Variants in NOX3 observed in about 807,000 individuals in gnomAD.
NOX3 encodes the protein NADPH oxidase 3, also known as NADPH oxidase catalytic subunit-like 3.
Under a neutral mutation model 76.7 loss-of-function variants are expected in NOX3, and 74 were observed. The observed-to-expected ratio is 0.96, with a 90% CI of 0.80 to 1.17. NOX3 has a LOEUF of 1.17. NOX3 is among the 50% of genes most tolerant of loss of function. The probability of loss-of-function intolerance (pLI) is 0.00; values close to 1 mark genes in which losing one functional copy is unlikely to be tolerated. For synonymous variants in NOX3, 263 were observed against 261.1 expected (o/e 1.01, Z -0.07); for missense variants, 695 against 703.3 (o/e 0.99, Z 0.13).
At chr6:155,449,470 C>T (rs1777107363) in intron 4 of NOX3, among the ~76,000 whole-genome samples, 1 of 152,076 alleles carries the variant, frequency 6.6e-6, no homozygotes. Flanking sequence ...TTTTTATACC[C>T]ATGGGGTTAT....
chr6:155,445,389 G>A (rs943761584), intron 4 of NOX3, among the ~76,000 whole-genome samples: 17 of 152,148 alleles, frequency 1.1e-4, no homozygotes, highest in African/African-American at 1.7e-4. Flanking sequence ...AAGATGTGAT[G>A]GGGAAAAAGA....
intron 2 of NOX3, 28 bp from the exon 3 acceptor site, chr6:155,454,949 A>G: frequency 1.9e-6 from 3 of 1,588,362 alleles, no homozygotes; most frequent in Non-Finnish European, 2.6e-6. Flanking sequence ...CATAAAAAAG[A>G]GATTCAGGGA....
At chr6:155,451,139 T>C (rs2281254) in intron 4 of NOX3, among the ~76,000 whole-genome samples, 58,266 of 151,864 alleles carry the variant, frequency 0.38, 12,605 homozygotes, top group African/African-American at 0.6. Context: ...CCACCATACC[T>C]GGCTAATTTT....
rs1777082802 is a variant in NOX3 at position 155,447,787 on chromosome 6, C to T, written c.341-4369G>A. ...TAAACATTTTATTTTCCTCTTAGAT[C>T]TGATCCTAATTTTACAGCAATCTTG... is the stretch of plus-strand genomic sequence containing the variant. On this transcript the variant is annotated intron_variant, in intron 4 of 13. Coordinates refer to ENST00000159060, the MANE Select transcript of NOX3 (RefSeq NM_015718.3). 2.0e-5 allele frequency among the ~76,000 whole-genome samples: 3 copies of T among 152,188 alleles called. No individual in the cohort carries two copies. The South Asian group carries it at 6.2e-4, about 32-fold the overall frequency.
At chr6:155,399,864 A>C (rs1242608696) in intron 12 of NOX3, among the ~76,000 whole-genome samples, 2 of 152,192 alleles carry the variant, frequency 1.3e-5, no homozygotes, top group Non-Finnish European at 2.9e-5. Context: ...CCGCAAAAGA[A>C]GTATAAAAAC....
At chr6:155,432,060 T>G (rs1477344943) in intron 7 of NOX3, among the ~76,000 whole-genome samples, 1 of 152,204 alleles carries the variant, frequency 6.6e-6, no homozygotes, top group African/African-American at 2.4e-5. Flanking sequence ...TTTTTCTTTT[T>G]AAAATTTTTA....
intron 11 of NOX3, among the ~76,000 whole-genome samples, chr6:155,409,048 A>C (rs1776507438): frequency 6.6e-6 from 1 of 152,164 alleles, no homozygotes; most frequent in South Asian, 2.1e-4. Flanking sequence ...AGTATGCGCT[A>C]TACCCATGTA....
At chr6:155,442,900 T>G (rs1377370239) in intron 5 of NOX3, among the ~76,000 whole-genome samples, 3 of 152,202 alleles carry the variant, frequency 2.0e-5, no homozygotes, top group Non-Finnish European at 4.4e-5. Flanking sequence ...ATTTATAATC[T>G]CTGTGTTTAG....
intron 7 of NOX3, among the ~76,000 whole-genome samples, chr6:155,433,848 A>C (rs1257622500): frequency 6.6e-6 from 1 of 152,212 alleles, no homozygotes; most frequent in Non-Finnish European, 1.5e-5. Flanking sequence ...AATAATGGGG[A>C]AGAACTATTT....
At chr6:155,435,270 T>C (rs73567341) in intron 7 of NOX3, among the ~76,000 whole-genome samples, 6,456 of 152,154 alleles carry the variant, frequency 0.042, 175 homozygotes, top group African/African-American at 0.07. Context: ...TCTGTATTCA[T>C]GAGGTGTGGG....
At position 155,436,420 on chromosome 6, in the gene NOX3, A is replaced by C. The variant is rs753391396; in HGVS notation, c.796T>G (p.Ser266Ala). The change falls in exon 7 of 14, where the codon TCG becomes GCG. Residue 266 changes from serine (S) to alanine (A), a missense_variant and splice_region_variant. Ser to Ala is a moderately conservative substitution (Grantham distance 99). Transcript: ENST00000159060. ...PVPQFSGKEP[S>A]AWKWILGPVV... Reference sequence around the variant, plus strand: ...AAAGCTCCTGGGTTCATTCTTACCGAGGGTTCCTTGCCAGAAAATTGAGGC... The same window carrying C: ...AAAGCTCCTGGGTTCATTCTTACCGCGGGTTCCTTGCCAGAAAATTGAGGC... 47 of 1,613,960 alleles carry C rather than the reference A, an allele frequency of 2.9e-5. No individual in the cohort carries two copies. The highest frequency in any genetic ancestry group is 3.9e-5 in the Non-Finnish European group (46 of 1,179,988).
intron 9 of NOX3, 66 bp from the exon 10 acceptor site, chr6:155,422,922 T>C (rs898206012): frequency 6.5e-7 from 1 of 1,527,770 alleles, no homozygotes; most frequent in East Asian, 2.3e-5. Flanking sequence ...CCCAGAACCA[T>C]CCGGAGCTGG....
At chr6:155,423,743 C>CTTTTTTTTTTTTTTTTT (rs528445827) in intron 9 of NOX3, among the ~76,000 whole-genome samples, 2 of 137,542 alleles carry the variant, frequency 1.5e-5, no homozygotes, top group African/African-American at 2.7e-5. Context: ...TTTTCTTTTT[C>CTTTTTTTTTTTTTTTTT]TTTTTTTTTT....
chr6:155,448,465 A>G (rs1360987138), intron 4 of NOX3, among the ~76,000 whole-genome samples: 1 of 152,082 alleles, frequency 6.6e-6, no homozygotes, highest in East Asian at 1.9e-4. Flanking sequence ...ACACATTTCC[A>G]TAACCCACTC....
At chr6:155,454,735 A>C (rs1777188651) in intron 3 of NOX3, 76 bp downstream of exon 3, 2 of 835,936 alleles carry the variant, frequency 2.4e-6, no homozygotes, top group Non-Finnish European at 3.7e-6. Context: ...TTCATAATAA[A>C]GTACATTTTT....
At chr6:155,417,328 T>C (rs1279186671) in intron 10 of NOX3, among the ~76,000 whole-genome samples, 1 of 152,148 alleles carries the variant, frequency 6.6e-6, no homozygotes, top group East Asian at 1.9e-4. Flanking sequence ...GTGAGTTTCT[T>C]AGGGAGCAAA....
At chr6:155,422,572 AAGGATCCTTG>A (rs1776703678) in intron 10 of NOX3, 112 bp downstream of exon 10, 1 of 867,752 alleles carries the variant, frequency 1.2e-6, no homozygotes, top group African/African-American at 1.7e-5. Context: ...AAGTATAGTT[AAGGATCCTTG>A]AGTTTATCCC....
At chr6:155,421,868 C>A (rs959206512) in intron 10 of NOX3, among the ~76,000 whole-genome samples, 1 of 152,120 alleles carries the variant, frequency 6.6e-6, no homozygotes, top group Non-Finnish European at 1.5e-5. Flanking sequence ...TGCTTAAGTT[C>A]CTTTGACTAC....
At chr6:155,423,951 C>T (rs1776725050) in intron 9 of NOX3, among the ~76,000 whole-genome samples, 1 of 152,168 alleles carries the variant, frequency 6.6e-6, no homozygotes, top group Admixed American at 6.5e-5. Flanking sequence ...CCATTTTGGC[C>T]AGGATGGTCT....
Sources: allele counts gnomAD v4.1 joint callset (sites outside exome capture counted in the v4.1 genomes callset), GRCh38; gene constraint gnomAD v4.1.1; transcripts MANE v1.5; gene names NCBI Gene and HGNC (gene_info 2026-07-23, HGNC 2026-07-21).